Variants in ANKRD30A observed in about 807,000 individuals in gnomAD.
ANKRD30A encodes ankyrin repeat domain 30A.
In ANKRD30A, 170 loss-of-function variants were observed where a neutral mutation model predicts 166.3. That is an observed-to-expected ratio of 1.02 (90% CI 0.90 to 1.16). The LOEUF (loss-of-function observed/expected upper bound fraction) is 1.16, where lower values mean the gene tolerates loss of function less well. Among genes scored for constraint, ANKRD30A ranks in the 50% most tolerant of loss-of-function variants. The probability of loss-of-function intolerance (pLI) is 0.00; values close to 1 mark genes in which losing one functional copy is unlikely to be tolerated. For synonymous variants in ANKRD30A, 564 were observed against 508.9 expected (o/e 1.11, Z -1.46); for missense variants, 1,630 against 1,518.0 (o/e 1.07, Z -1.23).
At chr10:37,195,986 T>G (rs1465757473) in intron 27 of ANKRD30A, among the ~76,000 whole-genome samples, 3 of 151,884 alleles carry the variant, frequency 2.0e-5, no homozygotes, top group East Asian at 1.9e-4. Context: ...ATTATAGATT[T>G]AAGATACTAT....
At chr10:37,163,061 G>A (rs954336675) in intron 17 of ANKRD30A, among the ~76,000 whole-genome samples, 5 of 151,866 alleles carry the variant, frequency 3.3e-5, no homozygotes, top group African/African-American at 1.2e-4. Flanking sequence ...AATCTCAGAT[G>A]TTTCTACTTT....
chr10:37,190,357 C>G (rs1346360742), intron 25 of ANKRD30A, among the ~76,000 whole-genome samples: 2 of 151,604 alleles, frequency 1.3e-5, no homozygotes, highest in Non-Finnish European at 2.9e-5. Context: ...AGCAGAGCAA[C>G]TGGATAGAAG....
At chr10:37,250,136 A>G in the ANKRD30A span, among the ~76,000 whole-genome samples, 10 of 152,166 alleles carry the variant, frequency 6.6e-5, no homozygotes, top group Non-Finnish European at 1.2e-4. Context: ...GAGCTTGCCT[A>G]AGGTCAGAGT....
chr10:37,202,993 A>G (rs149103366), intron 31 of ANKRD30A, among the ~76,000 whole-genome samples: 3,030 of 152,268 alleles, frequency 0.02, 88 homozygotes, highest in African/African-American at 0.068. Flanking sequence ...GCAATAATTA[A>G]TAGCCTACCA....
chr10:37,264,642 G>A, the ANKRD30A span: 2,709 of 280,388 alleles, frequency 9.7e-3, 73 homozygotes, highest in African/African-American at 0.055. Flanking sequence ...GGACAGGTAA[G>A]TATGCCAGAT....
chr10:37,247,156 G>T, the ANKRD30A span, among the ~76,000 whole-genome samples: 6 of 152,182 alleles, frequency 3.9e-5, no homozygotes, highest in Non-Finnish European at 5.9e-5. Context: ...GCAGAGGGGG[G>T]TTAGCTTTAT....
At chr10:37,247,905 A>T in the ANKRD30A span, among the ~76,000 whole-genome samples, 1 of 151,654 alleles carries the variant, frequency 6.6e-6, no homozygotes, top group African/African-American at 2.4e-5. Context: ...AAAAGAAAAA[A>T]TAACTAATGA....
At chr10:37,208,900 C>G (rs912483827) in intron 31 of ANKRD30A, among the ~76,000 whole-genome samples, 3 of 152,122 alleles carry the variant, frequency 2.0e-5, no homozygotes, top group Admixed American at 1.3e-4. Flanking sequence ...ATTCCTCAAC[C>G]CTTTGGCAAC....
chr10:37,251,291 T>C, the ANKRD30A span, among the ~76,000 whole-genome samples: 1 of 152,228 alleles, frequency 6.6e-6, no homozygotes, highest in South Asian at 2.1e-4. Flanking sequence ...GCTGATTTGC[T>C]GTCCTAAGTA....
chr10:37,126,062 G>A, intron 1 of ANKRD30A, 54 bp downstream of exon 1: 1 of 1,170,676 alleles, frequency 8.5e-7, no homozygotes, highest in Non-Finnish European at 1.2e-6. Flanking sequence ...GCGGTGGGAG[G>A]ATCGCCCCTT....
At chr10:37,132,212 A>T (rs759568620) in intron 3 of ANKRD30A, 28 bp from the exon 4 acceptor site, 20 of 1,456,346 alleles carry the variant, frequency 1.4e-5, no homozygotes, top group Non-Finnish European at 1.8e-5. Flanking sequence ...TAATTTCATG[A>T]ATTATAAATT....
At chr10:37,249,150 G>C in the ANKRD30A span, among the ~76,000 whole-genome samples, 1 of 152,146 alleles carries the variant, frequency 6.6e-6, no homozygotes, top group Non-Finnish European at 1.5e-5. Flanking sequence ...TTCTGAGCCG[G>C]ATATTCCTGA....
At chr10:37,230,887 C>T (rs898180162) in intron 34 of ANKRD30A, among the ~76,000 whole-genome samples, 6 of 152,038 alleles carry the variant, frequency 3.9e-5, no homozygotes, top group African/African-American at 1.4e-4. Flanking sequence ...GCCCCACCTC[C>T]GATGCCTTGG....
In ANKRD30A at chr10:37,165,102, C is replaced by T. The variant is rs773382666; in HGVS notation, c.2011C>T (p.Leu671Phe). ...NEQTLRADEI[L>F]PSESKQKDYE... is the part of the protein sequence containing the mutation. ...TGATTAACCTTTTATAGATGAGATA[C>T]TCCCATCAGAATCCAAACAAAAGGA... is the stretch of plus-strand genomic sequence containing the variant. The change falls in exon 18 of 36, where the codon CTC (leucine) becomes TTC (phenylalanine). Residue 671 changes from leucine (L) to phenylalanine (F), a missense_variant. Physicochemically the swap from Leu to Phe is conservative, Grantham distance 22. Transcript: ENST00000361713. 2.5e-6 allele frequency: 4 copies of T among 1,607,948 alleles called. No homozygotes were observed. Among genetic ancestry groups the T allele is most frequent in the Non-Finnish European group, 3.4e-6 (4 of 1,174,986 alleles).
chr10:37,214,163 T>C (rs1370914238), intron 31 of ANKRD30A, among the ~76,000 whole-genome samples: 1 of 151,652 alleles, frequency 6.6e-6, no homozygotes, highest in African/African-American at 2.4e-5. Context: ...TAAAATGACT[T>C]TGTTTATTGC....
Position 37,193,237 on chromosome 10 carries a change from G to A in ANKRD30A, c.2593G>A (p.Asp865Asn), listed in dbSNP as rs776903662. 1.2e-6 allele frequency: 2 copies of A among 1,611,244 alleles called. No individual in the cohort carries two copies. The highest frequency in any genetic ancestry group is 1.7e-6 in the Non-Finnish European group (2 of 1,179,088). ...TCCAACTAAAGCCTTAGAATTGATG[G>A]ACATGCAAACTTTCAAAGCAGGTAA... ...SIPTKALELM[D>N]MQTFKAEPPE... The change falls in exon 27 of 36, where the codon GAC (aspartate) becomes AAC (asparagine). Residue 865 changes from aspartate to asparagine, a missense_variant. Around this residue, in one of 4 missense-constraint regions of ANKRD30A, gnomAD observed 712 missense variants for 629.3 expected, o/e 1.13. Transcript: ENST00000361713.
At chr10:37,138,806 G>A (rs1414491601) in intron 6 of ANKRD30A, among the ~76,000 whole-genome samples, 1 of 152,178 alleles carries the variant, frequency 6.6e-6, no homozygotes, top group Non-Finnish European at 1.5e-5. Context: ...ACACTTTGCA[G>A]GATATTATCC....
intron 4 of ANKRD30A, among the ~76,000 whole-genome samples, chr10:37,133,677 C>T (rs1235381578): frequency 1.3e-5 from 2 of 152,144 alleles, no homozygotes; most frequent in African/African-American, 2.4e-5. Context: ...GTGAACAGAG[C>T]ATAATTTCTT....
At chr10:37,232,697 T>TATATATATATATATATATAGAGAGAG (rs1273812991), downstream of ANKRD30A, 1 of 78,400 alleles carries the variant, frequency 1.3e-5, no homozygotes, top group African/African-American at 4.9e-5. Flanking sequence ...TATATATAAA[T>TATATATATATATATATATAGAGAGAG]AGAGAGAGAG....
Sources: gnomAD v4.1 joint callset for allele counts (sites outside exome capture counted in the v4.1 genomes callset) on GRCh38, gnomAD v4.1.1 for gene constraint, gnomAD v4.1.1 regional missense constraint, MANE v1.5 for transcripts, NCBI Gene and HGNC (gene_info 2026-07-23, HGNC 2026-07-21) for gene names.